Variants in CCDC183 observed in about 807,000 individuals in gnomAD.
CCDC183 encodes coiled-coil domain containing 183, also known as coiled-coil domain-containing protein 183.
CCDC183 carries 63 observed loss-of-function variants against 65.2 expected under a neutral mutation model. That is an observed-to-expected ratio of 0.97 (90% CI 0.79 to 1.19). The LOEUF (loss-of-function observed/expected upper bound fraction) is 1.19. Among genes scored for constraint, CCDC183 ranks in the 50% most tolerant of loss-of-function variants. The pLI is 0.00. For synonymous variants in CCDC183, 323 were observed against 276.5 expected, an observed-to-expected ratio of 1.17 and a Z score of -1.67; for missense variants, 769 against 689.3, an observed-to-expected ratio of 1.12 and a Z score of -1.30.
intron 5 of CCDC183, chr9:136,800,763 T>A (rs1168159600): frequency 2.4e-6 from 1 of 422,098 alleles, no homozygotes; most frequent in African/African-American, 2.1e-5. Flanking sequence ...TGCCTGTCAT[T>A]TTCTCATTGC....
chr9:136,806,947 C>CT, intron 12 of CCDC183, 23 bp from the exon 13 acceptor site: 2 of 1,613,524 alleles, frequency 1.2e-6, no homozygotes, highest in South Asian at 2.2e-5. Context: ...GTCTGCACGG[C>CT]TGAAGGGGGC....
chr9:136,800,323 C>A, intron 4 of CCDC183, 66 bp from the exon 5 acceptor site: 1 of 1,503,674 alleles, frequency 6.7e-7, no homozygotes, highest in Non-Finnish European at 9.1e-7. Flanking sequence ...CGGAGAAAAC[C>A]CAGCCCCGAC....
intron 13 of CCDC183, 195 bp downstream of exon 13, chr9:136,807,261 C>A: frequency 1.6e-6 from 1 of 644,154 alleles, no homozygotes; most frequent in Non-Finnish European, 2.7e-6. Context: ...ACTGAAATAC[C>A]TTGTTAATTT....
chr9:136,806,735 A>G, intron 11 of CCDC183, 22 bp from the exon 12 acceptor site: 1 of 1,613,472 alleles, frequency 6.2e-7, no homozygotes, highest in East Asian at 2.2e-5. Context: ...AGGGGAGATG[A>G]GACCCTCCTC....
chr9:136,800,715 T>C (rs1337774826), intron 5 of CCDC183: 1 of 561,358 alleles, frequency 1.8e-6, no homozygotes, highest in Non-Finnish European at 3.2e-6. Context: ...CTTCGGACTT[T>C]CTTGCACGTA....
At chr9:136,806,277 G>A in intron 10 of CCDC183, 39 bp downstream of exon 10, 2 of 1,561,856 alleles carry the variant, frequency 1.3e-6, no homozygotes, top group Non-Finnish European at 1.7e-6. Flanking sequence ...ACCCACCCCA[G>A]TCTCACAAAG....
chr9:136,805,042 AGT>A, intron 8 of CCDC183: 1 of 599,432 alleles, frequency 1.7e-6, no homozygotes, highest in Non-Finnish European at 3.0e-6. Flanking sequence ...CCAAGGGCCC[AGT>A]CCCCAGTGAC....
intron 1 of CCDC183, among the ~76,000 whole-genome samples, chr9:136,796,869 G>A (rs2131125182): frequency 6.6e-6 from 1 of 152,264 alleles, no homozygotes; most frequent in Middle Eastern, 3.4e-3. Flanking sequence ...AATTGTCCAA[G>A]GTTTCCCCCC....
At position 136,799,203 on chromosome 9, in the gene CCDC183, G is replaced by A; in HGVS notation, c.172G>A (p.Asp58Asn). The A allele has an allele frequency of 6.2e-7, 1 of 1,608,014 alleles. No homozygotes were observed. Among genetic ancestry groups the A allele is most frequent in the South Asian group, 1.1e-5 (1 of 90,388 alleles). ...CAGCAACATCCGCCGCGGGGCCCAG[G>A]ACTGGGCTTTGGCCAAGAAGGTACA... is the stretch of plus-strand genomic sequence containing the variant. ...LRSNIRRGAQ[D>N]WALAKKYDQW... Residue 58 changes from aspartate (D) to asparagine (N), a missense_variant, in exon 2 of 14, where the codon GAC (aspartate) becomes AAC (asparagine). Coordinates refer to ENST00000338005, the MANE Select transcript of CCDC183 (RefSeq NM_001039374.5).
chr9:136,802,609 C>T (rs2784100), intron 5 of CCDC183, 55 bp from the exon 6 acceptor site: 348,494 of 1,546,248 alleles, frequency 0.23, 41,893 homozygotes, highest in Admixed American at 0.26. Context: ...GATAAAAGCT[C>T]GGGGCAACTG....
Position 136,800,188 on chromosome 9 carries a change from G to C in CCDC183, c.438+19G>C. 1 of 1,480,282 alleles carries C rather than the reference G, an allele frequency of 6.8e-7. No homozygotes were observed. The highest frequency in any genetic ancestry group is 9.1e-7 in the Non-Finnish European group (1 of 1,100,838). 91.7% of individuals were successfully genotyped at this position (1,480,282 alleles called of 1,614,324 possible). On this transcript the variant is annotated intron_variant, in intron 4 of 13. Coordinates refer to ENST00000338005, the MANE Select transcript of CCDC183 (RefSeq NM_001039374.5). ...GCTGCAGGTGGAGAGGCGGGGCTGG[G>C]AGGGCGGGGCGGAGTCCACTGGGGC...
At chr9:136,800,955 G>C (rs1279687543) in intron 5 of CCDC183, among the ~76,000 whole-genome samples, 1 of 152,244 alleles carries the variant, frequency 6.6e-6, no homozygotes, top group Non-Finnish European at 1.5e-5. Context: ...TTCATGGGAG[G>C]CTGAGCACCG....
chr9:136,805,683 G>C (rs186801997), intron 9 of CCDC183: 2 of 563,192 alleles, frequency 3.6e-6, no homozygotes, highest in African/African-American at 3.8e-5. Flanking sequence ...TAGGCCTTGA[G>C]CTCCTAACCA....
rs767878379 is a variant in CCDC183 at position 136,804,925 on chromosome 9, G to A, written c.847+109G>A. 3.7e-5 allele frequency: 35 copies of A among 944,796 alleles called. No individual in the cohort carries two copies. Among genetic ancestry groups the A allele is most frequent in the South Asian group, 7.3e-5 (5 of 68,520 alleles). The allele number at this position is 944,796 out of a possible 1,614,324, so 58.5% of individuals were successfully genotyped here. A position where few individuals can be genotyped will look rare whatever the true frequency, so the allele number is the denominator to read the frequency against. ...CTGAGGCCAGGTGTGACATGTGGTC[G>A]CCAGGGTGAAGGGAAGGACAGGTCC... On this transcript the variant is annotated intron_variant, in intron 8 of 13. Transcript: ENST00000338005. This position sits in a 1 kb window ranked among gnomAD's most constrained non-coding sequence, Gnocchi z 4.1.
chr9:136,800,526 A>C, intron 5 of CCDC183, 33 bp downstream of exon 5: 4 of 913,792 alleles, frequency 4.4e-6, no homozygotes, highest in Middle Eastern at 2.4e-4. Context: ...GGCGGGGGTC[A>C]GGGGCTGGGA....
intron 13 of CCDC183, chr9:136,807,338 A>T (rs926684209): frequency 5.0e-5 from 33 of 659,972 alleles, no homozygotes; most frequent in Admixed American, 1.8e-4. Context: ...TGGAGCAGGG[A>T]GGAGCGCGGT....
chr9:136,806,293 G>C, intron 10 of CCDC183, 55 bp downstream of exon 10: 1 of 1,534,392 alleles, frequency 6.5e-7, no homozygotes, highest in African/African-American at 1.4e-5. Context: ...CAAAGGCCCC[G>C]GGCTGCAGCC....
chr9:136,799,286 C>T (rs1450705843), intron 2 of CCDC183, 63 bp downstream of exon 2: 1 of 1,522,890 alleles, frequency 6.6e-7, no homozygotes, highest in Non-Finnish European at 8.8e-7. Context: ...TACACACACA[C>T]TCGGAGGGCG....
At chr9:136,803,550 C>T (rs1274086650) in intron 6 of CCDC183, among the ~76,000 whole-genome samples, 3 of 152,170 alleles carry the variant, frequency 2.0e-5, no homozygotes, top group Admixed American at 6.5e-5. Flanking sequence ...CAGCAGGGAC[C>T]GGGACAGGCA....
Sources: gnomAD v4.1 joint callset for allele counts (sites outside exome capture counted in the v4.1 genomes callset) on GRCh38, gnomAD v4.1.1 for gene constraint, Gnocchi (gnomAD v3.1) non-coding constraint, MANE v1.5 for transcripts, NCBI Gene and HGNC (gene_info 2026-07-23, HGNC 2026-07-21) for gene names.